C2: variants seen among roughly 807,000 people sequenced by gnomAD.
The protein encoded by C2 is complement C2.
In C2, 64 loss-of-function variants were observed where a neutral mutation model predicts 85.2. The ratio of observed to expected loss-of-function variants is 0.75; its 90% CI spans 0.61 to 0.92. C2 has a LOEUF of 0.92. Among genes scored for constraint, C2 ranks in the 40% least tolerant of loss-of-function variants. C2 has a pLI of 0.00. For missense variants in C2, 820 were observed against 971.6 expected, an observed-to-expected ratio of 0.84 and a Z score of 2.07; for synonymous variants, 311 against 370.8, an observed-to-expected ratio of 0.84 and a Z score of 1.85.
intron 1 of C2, among the ~76,000 whole-genome samples, chr6:31,905,981 C>T (rs1582010571): frequency 1.3e-5 from 2 of 152,136 alleles, no homozygotes; most frequent in South Asian, 4.2e-4. Context: ...AGGCTGTGGG[C>T]TTACTTTTTA....
At chr6:31,942,545 G>A (rs1481513944) in intron 9 of C2, among the ~76,000 whole-genome samples, 1 of 151,938 alleles carries the variant, frequency 6.6e-6, no homozygotes, top group African/African-American at 2.4e-5. Flanking sequence ...CTCCCACCTT[G>A]CCTCCCAAAG....
chr6:31,900,446 C>T (rs755804617), upstream of C2: 5 of 1,568,042 alleles, frequency 3.2e-6, no homozygotes, highest in Admixed American at 7.6e-5. The surrounding 1 kb of genome is among the most constrained non-coding windows in gnomAD (Gnocchi z 9.7). Context: ...GGCCCCCACG[C>T]TGGCCCGGCC....
chr6:31,911,930 CTTT>C (rs70990289), intron 1 of C2, among the ~76,000 whole-genome samples: 2 of 122,936 alleles, frequency 1.6e-5, no homozygotes, highest in Non-Finnish European at 3.2e-5. Flanking sequence ...ATGTCTGGCC[CTTT>C]TTTTTTTTTT....
At chr6:31,926,814 C>G (rs557761411), upstream of C2, among the ~76,000 whole-genome samples, 1 of 152,224 alleles carries the variant, frequency 6.6e-6, no homozygotes, top group South Asian at 2.1e-4. Flanking sequence ...GTTTCATGTT[C>G]ATTTTTTTAT....
At chr6:31,899,109 AC>A (rs1231106059), upstream of C2, among the ~76,000 whole-genome samples, 2 of 152,090 alleles carry the variant, frequency 1.3e-5, no homozygotes, top group African/African-American at 4.8e-5. Flanking sequence ...TTTGTGGAAA[AC>A]AAAAGCAGAA....
chr6:31,898,582 G>A (rs1327142142), upstream of C2, among the ~76,000 whole-genome samples: 1 of 151,102 alleles, frequency 6.6e-6, no homozygotes. Context: ...GTTCTCTTTG[G>A]TTAACTATTC....
intron 9 of C2, among the ~76,000 whole-genome samples, chr6:31,940,302 CGTT>C (rs1478892217): frequency 6.6e-6 from 1 of 152,130 alleles, no homozygotes; most frequent in East Asian, 1.9e-4. Flanking sequence ...CGACCGTCGT[CGTT>C]ATCATCATCA....
chr6:31,904,485 C>T lies in C2; in HGVS notation c.73+3346C>T, dbSNP rs930078631. On this transcript the variant is annotated intron_variant, in intron 1 of 3. Transcript: ENST00000452202. This position sits in a 1 kb window ranked among gnomAD's most constrained non-coding sequence, Gnocchi z 4.4. ...CCCGCCACCATGCCTAGCTAATTTT[C>T]GCATTTTTAGTAGAGACGGGGTTTC... 3.5e-5 allele frequency among the ~76,000 whole-genome samples: 5 copies of T among 144,752 alleles called. No homozygotes were observed. The highest frequency in any genetic ancestry group is 6.7e-5 in the Admixed American group (1 of 14,976). 95.0% of individuals were successfully genotyped at this position (144,752 alleles called of 152,430 possible).
intron 3 of C2, among the ~76,000 whole-genome samples, chr6:31,931,706 C>T (rs1237925253): frequency 1.3e-5 from 2 of 152,186 alleles, no homozygotes; most frequent in Admixed American, 6.5e-5. Context: ...TCAATCTTTT[C>T]CCCACCTTTC....
chr6:31,929,448 C>A (rs1483229862), intron 3 of C2, among the ~76,000 whole-genome samples: 2 of 152,110 alleles, frequency 1.3e-5, no homozygotes, highest in Non-Finnish European at 2.9e-5. Context: ...CCCTGGAGTG[C>A]GGTGGCTCAC....
At chr6:31,931,810 G>C (rs770071065) in intron 3 of C2, among the ~76,000 whole-genome samples, 1 of 152,084 alleles carries the variant, frequency 6.6e-6, no homozygotes, top group African/African-American at 2.4e-5. Context: ...TGGCCGGGCA[G>C]AGGGGCTCCT....
At chr6:31,901,717 A>C (rs1312099627) in intron 1 of C2, 3 of 165,926 alleles carry the variant, frequency 1.8e-5, no homozygotes, top group East Asian at 1.5e-4. Context: ...ACACGTTTGC[A>C]CGCGCTTTTC....
At chr6:31,927,596 T>A, upstream of C2, 2 of 1,568,634 alleles carry the variant, frequency 1.3e-6, no homozygotes, top group Non-Finnish European at 1.7e-6. This position sits in a 1 kb window ranked among gnomAD's most constrained non-coding sequence, Gnocchi z 4.7. Flanking sequence ...CCCTGCTTAT[T>A]ATTTCCCTAA....
chr6:31,899,885 A>C, upstream of C2: 3 of 1,483,274 alleles, frequency 2.0e-6, no homozygotes, highest in Non-Finnish European at 2.7e-6. Flanking sequence ...TTTTCCACGC[A>C]GCCCAGGGGC....
upstream of C2, among the ~76,000 whole-genome samples, chr6:31,919,026 C>G (rs906326364): frequency 6.6e-6 from 1 of 151,870 alleles, no homozygotes; most frequent in Non-Finnish European, 1.5e-5. Flanking sequence ...TTTTACTATT[C>G]TCTCTACTTT....
At chr6:31,900,470 A>C, upstream of C2, 1 of 1,598,978 alleles carries the variant, frequency 6.3e-7, no homozygotes, top group Non-Finnish European at 8.5e-7. The surrounding 1 kb of genome is among the most constrained non-coding windows in gnomAD (Gnocchi z 9.7). Context: ...GGGAATCAAC[A>C]GCAGGCCCTC....
rs532246501 is a variant in C2, at chr6:31,907,992, G to A, written c.73+6853G>A. On this transcript the variant is annotated intron_variant, in intron 1 of 3. Coordinates refer to the C2 transcript ENST00000452202. ...CTCCTGAGTAGCTAGGATTACGGACGTCTGCCACCACGCCCAGCTAATGTT... is the reference window on the plus strand; with the variant it reads ...CTCCTGAGTAGCTAGGATTACGGACATCTGCCACCACGCCCAGCTAATGTT... 7.9e-4 allele frequency among the ~76,000 whole-genome samples: 120 copies of A among 151,460 alleles called. 1 individual carries two copies. Among genetic ancestry groups the A allele is most frequent in the African/African-American group, 1.1e-3 (46 of 41,174 alleles).
intron 1 of C2, among the ~76,000 whole-genome samples, chr6:31,911,374 G>A (rs1768088506): frequency 6.6e-6 from 1 of 151,798 alleles, no homozygotes; most frequent in South Asian, 2.1e-4. Context: ...AGTGAAATAA[G>A]ACTTTTAAAA....
In C2 at chr6:31,944,145, G is replaced by T. The variant is rs748953575; in HGVS notation, c.1821G>T (p.Leu607=). Residue 607 remains leucine (L), a synonymous_variant, in exon 15 of 18, where the codon CTG becomes CTT. Coordinates refer to ENST00000299367, the MANE Select transcript of C2 (RefSeq NM_000063.6). This position sits in a 1 kb window ranked among gnomAD's most constrained non-coding sequence, Gnocchi z 5.1. Reference sequence around the variant, plus strand: ...TTCTCTTGACTATAGAGAATGAACTGCTGAACAAACAGAGTGTTCCTGCTC... The same window carrying T: ...TTCTCTTGACTATAGAGAATGAACTTCTGAACAAACAGAGTGTTCCTGCTC... The part of the protein sequence containing the change: ...GSTCRDHENE[L]LNKQSVPAHF... The T allele has an allele frequency of 6.2e-7, 1 of 1,612,348 alleles. No individual in the cohort carries two copies. Among genetic ancestry groups the T allele is most frequent in the East Asian group, 2.2e-5 (1 of 44,896 alleles).
Sources: allele counts gnomAD v4.1 joint callset (sites outside exome capture counted in the v4.1 genomes callset), GRCh38; gene constraint gnomAD v4.1.1; non-coding constraint Gnocchi (gnomAD v3.1); transcripts MANE v1.5; gene names NCBI Gene and HGNC (gene_info 2026-07-23, HGNC 2026-07-21).